Variants in TIAM2 observed in about 807,000 individuals in gnomAD.
The protein encoded by TIAM2 is rho guanine nucleotide exchange factor TIAM2.
Under a neutral mutation model 152.9 loss-of-function variants are expected in TIAM2, and 80 were observed. That is an observed-to-expected ratio of 0.52 (90% confidence interval 0.44 to 0.63). TIAM2 has a LOEUF of 0.63. Ranked by LOEUF, TIAM2 falls within the 30% of genes least tolerant of loss-of-function variation. The pLI is 0.00. For synonymous variants in TIAM2, 804 were observed against 838.0 expected, an observed-to-expected ratio of 0.96 and a Z score of 0.70; for missense variants, 1,965 against 2,120.1, an observed-to-expected ratio of 0.93 and a Z score of 1.44.
rs534604682 is a variant in TIAM2 at position 155,086,600 on chromosome 6, A to G, written c.-208-3689A>G. Among the ~76,000 whole-genome samples the G allele has an allele frequency of 5.3e-5, 8 of 150,876 alleles. No individual in the cohort carries two copies. In the South Asian group the frequency reaches 1.7e-3, roughly 32 times the overall value. On this transcript the variant is annotated intron_variant, in intron 1 of 26. Transcript: ENST00000682666. ...CGTGCACCTGTAATCCCGGCTACTC[A>G]GGAGGCTGAGGCGGGAGAATTGCTT...
intron 7 of TIAM2, among the ~76,000 whole-genome samples, chr6:155,162,291 C>T (rs950580400): frequency 2.8e-4 from 43 of 152,204 alleles, no homozygotes; most frequent in African/African-American, 9.6e-4. Context: ...TATATCTTCA[C>T]CCTCCATACA....
intron 1 of TIAM2, among the ~76,000 whole-genome samples, chr6:155,026,339 A>G (rs1276059149): frequency 1.3e-5 from 2 of 152,168 alleles, no homozygotes; most frequent in Non-Finnish European, 2.9e-5. Context: ...TTCTTTCTGA[A>G]TGCTTCCCCC....
intron 6 of TIAM2, among the ~76,000 whole-genome samples, chr6:155,146,376 G>T (rs536327122): frequency 6.6e-6 from 1 of 152,060 alleles, no homozygotes; most frequent in Non-Finnish European, 1.5e-5. Context: ...GTGAGACCCT[G>T]TCTTAGCAAC....
intron 1 of TIAM2, among the ~76,000 whole-genome samples, chr6:155,053,466 C>CTTTTTT (rs11401916): frequency 3.1e-5 from 4 of 127,278 alleles, no homozygotes; most frequent in Admixed American, 8.3e-5. Context: ...ATTCTTGCAG[C>CTTTTTT]TTTTTTTTTT....
intron 12 of TIAM2, among the ~76,000 whole-genome samples, chr6:155,182,017 T>C (rs7756965): frequency 0.73 from 111,376 of 152,246 alleles, 41,305 homozygotes; most frequent in African/African-American, 0.85. Flanking sequence ...GAATAAAAGT[T>C]ATGTTTTTAT....
intron 1 of TIAM2, among the ~76,000 whole-genome samples, chr6:155,077,121 A>C (rs1777979240): frequency 6.6e-6 from 1 of 152,110 alleles, no homozygotes; most frequent in Admixed American, 6.5e-5. Context: ...GGCTTGAAAA[A>C]CAGGAAGCTG....
chr6:155,224,524 A>G (rs1180841287), intron 15 of TIAM2, among the ~76,000 whole-genome samples: 1 of 152,214 alleles, frequency 6.6e-6, no homozygotes, highest in Non-Finnish European at 1.5e-5. Context: ...TGTCTTGATA[A>G]TAACATGAAG....
At chr6:155,133,453 G>A (rs1324831389) in intron 4 of TIAM2, among the ~76,000 whole-genome samples, 1 of 152,028 alleles carries the variant, frequency 6.6e-6, no homozygotes, top group East Asian at 1.9e-4. Context: ...TTTTTGAGAT[G>A]GAGTCTCTCT....
intron 17 of TIAM2, 104 bp downstream of exon 17, chr6:155,244,183 A>T (rs946556843): frequency 2.7e-6 from 3 of 1,127,152 alleles, no homozygotes; most frequent in Non-Finnish European, 4.0e-6. Flanking sequence ...CCAAAAGAAC[A>T]TCCCAAGACT....
chr6:155,085,438 G>A (rs1412950918), intron 1 of TIAM2, among the ~76,000 whole-genome samples: 1 of 151,982 alleles, frequency 6.6e-6, no homozygotes, highest in Non-Finnish European at 1.5e-5. Context: ...GCGTACTGTG[G>A]GCTTGCACAC....
intron 1 of TIAM2, among the ~76,000 whole-genome samples, chr6:155,086,758 A>G (rs887861222): frequency 3.8e-4 from 57 of 151,884 alleles, no homozygotes; most frequent in African/African-American, 1.4e-3. Context: ...ACCAGTAGTT[A>G]AGCTGCAGCT....
chr6:155,168,658 TA>T (rs1471153691), intron 9 of TIAM2, among the ~76,000 whole-genome samples: 1 of 152,044 alleles, frequency 6.6e-6, no homozygotes, highest in Non-Finnish European at 1.5e-5. Context: ...ATAGATGACA[TA>T]AAAAAGTAAA....
intron 1 of TIAM2, among the ~76,000 whole-genome samples, chr6:155,065,994 T>C (rs1777685671): frequency 6.6e-6 from 1 of 152,206 alleles, no homozygotes; most frequent in African/African-American, 2.4e-5. Flanking sequence ...ATTTGATGCA[T>C]ACCTGAAGGG....
At chr6:155,043,541 G>C (rs1777093539) in intron 1 of TIAM2, among the ~76,000 whole-genome samples, 1 of 151,086 alleles carries the variant, frequency 6.6e-6, no homozygotes, top group Non-Finnish European at 1.5e-5. Flanking sequence ...GGCTGAGGCA[G>C]GAGGATTGCT....
At chr6:155,216,278 G>C (rs1322631682) in intron 15 of TIAM2, among the ~76,000 whole-genome samples, 2 of 152,100 alleles carry the variant, frequency 1.3e-5, no homozygotes, top group Admixed American at 1.3e-4. Context: ...TCCTGCCCTA[G>C]CCCAACTGGT....
Position 155,182,926 on chromosome 6 carries a change from G to A in TIAM2, c.2801-311G>A, listed in dbSNP as rs777052409. On this transcript the variant is annotated intron_variant, in intron 13 of 26. Coordinates refer to ENST00000682666, the MANE Select transcript of TIAM2 (RefSeq NM_012454.4). ...GCTAACATTTGTTTTGCTCTTAGTGGCATCTAAATACTATACATTTTGGCC... is the reference window on the plus strand; with the variant it reads ...GCTAACATTTGTTTTGCTCTTAGTGACATCTAAATACTATACATTTTGGCC... Among the ~76,000 whole-genome samples, 32 of 152,276 alleles carry A rather than the reference G, an allele frequency of 2.1e-4. 1 individual carries two copies. Among genetic ancestry groups the A allele is most frequent in the African/African-American group, 3.9e-4 (16 of 41,556 alleles).
chr6:155,240,284 A>C (rs748845521), intron 15 of TIAM2, among the ~76,000 whole-genome samples: 1 of 152,240 alleles, frequency 6.6e-6, no homozygotes, highest in African/African-American at 2.4e-5. Context: ...GATACATCTA[A>C]CAGCTGATGT....
intron 9 of TIAM2, among the ~76,000 whole-genome samples, chr6:155,167,176 T>A (rs1427571492): frequency 6.6e-6 from 1 of 152,184 alleles, no homozygotes; most frequent in Non-Finnish European, 1.5e-5. Context: ...TATACTCATA[T>A]ACAAAAATAA....
chr6:155,234,610 G>T (rs1782650607), intron 15 of TIAM2, among the ~76,000 whole-genome samples: 1 of 152,100 alleles, frequency 6.6e-6, no homozygotes, highest in African/African-American at 2.4e-5. Flanking sequence ...CCCTTATGTT[G>T]TTCAGGCTGG....
Sources: gnomAD v4.1 joint callset for allele counts (sites outside exome capture counted in the v4.1 genomes callset) on GRCh38, gnomAD v4.1.1 for gene constraint, MANE v1.5 for transcripts, NCBI Gene and HGNC (gene_info 2026-07-23, HGNC 2026-07-21) for gene names.